The following PMFBP1 variants were observed in gnomAD, a reference collection of about 807,000 sequenced individuals.
PMFBP1 encodes polyamine-modulated factor 1-binding protein 1.
In PMFBP1, 131 loss-of-function variants were observed where a neutral mutation model predicts 137.8. That is an observed-to-expected ratio of 0.95 (90% CI 0.82 to 1.10). PMFBP1 has a LOEUF of 1.10. Among genes scored for constraint, PMFBP1 ranks in the 50% least tolerant of loss-of-function variants. The pLI, the probability that PMFBP1 is intolerant of heterozygous loss-of-function variation, is 0.00. For missense variants in PMFBP1, 1,199 were observed against 1,175.4 expected (o/e 1.02, Z -0.29); for synonymous variants, 490 against 450.4 (o/e 1.09, Z -1.11).
intron 6 of PMFBP1, 89 bp from the exon 7 acceptor site, chr16:72,139,488 G>A: frequency 2.9e-6 from 3 of 1,038,130 alleles, no homozygotes; most frequent in Non-Finnish European, 4.4e-6. Flanking sequence ...CCTTTCTGCA[G>A]CATAAGTTTG....
At chr16:72,193,116 G>A in the PMFBP1 span, among the ~76,000 whole-genome samples, 1 of 152,144 alleles carries the variant, frequency 6.6e-6, no homozygotes, top group Non-Finnish European at 1.5e-5. Flanking sequence ...GCCAGGCATG[G>A]TAGGTCGCGC....
chr16:72,124,993 C>T, intron 16 of PMFBP1, 59 bp from the exon 17 acceptor site: 1 of 1,586,660 alleles, frequency 6.3e-7, no homozygotes, highest in Non-Finnish European at 8.6e-7. Context: ...ACCGCAGGAC[C>T]CACAAGGCCA....
Position 72,136,730 on chromosome 16 carries a change from T to TA in PMFBP1, c.1007dup (p.Glu337ArgfsTer33). ...TTCTCTTCTGTTCCGACACGGCCTC[T>TA]AGTTCCACGCGCAGATCCTTCACCA... On this transcript the variant is annotated frameshift_variant, in exon 8 of 21. Coordinates refer to ENST00000237353, the MANE Select transcript of PMFBP1 (RefSeq NM_031293.3). LOFTEE classifies it high-confidence loss of function. 6.2e-7 allele frequency: 1 copy of TA among 1,614,162 alleles called. No homozygotes were observed. Among genetic ancestry groups the TA allele is most frequent in the Non-Finnish European group, 8.5e-7 (1 of 1,180,034 alleles).
chr16:72,208,832 C>T, the PMFBP1 span, among the ~76,000 whole-genome samples: 2 of 152,178 alleles, frequency 1.3e-5, no homozygotes, highest in Admixed American at 6.5e-5. Context: ...CCAAAGAACC[C>T]GCAGTTGTGT....
intron 5 of PMFBP1, among the ~76,000 whole-genome samples, chr16:72,141,745 C>T (rs939487241): frequency 1.3e-5 from 2 of 151,022 alleles, no homozygotes; most frequent in South Asian, 2.1e-4. Flanking sequence ...TACTTTTGTA[C>T]ATAAATCTTT....
chr16:72,173,644 T>C (rs536969173), upstream of PMFBP1, among the ~76,000 whole-genome samples: 1 of 152,366 alleles, frequency 6.6e-6, no homozygotes, highest in East Asian at 1.9e-4. Context: ...GGGCTTATGA[T>C]GAAAAAACTG....
At chr16:72,229,102 G>A in the PMFBP1 span, among the ~76,000 whole-genome samples, 1 of 152,082 alleles carries the variant, frequency 6.6e-6, no homozygotes, top group African/African-American at 2.4e-5. Flanking sequence ...AGAACATGCA[G>A]TATTTGGTTT....
At chr16:72,219,380 TG>T in the PMFBP1 span, among the ~76,000 whole-genome samples, 2 of 151,886 alleles carry the variant, frequency 1.3e-5, no homozygotes, top group South Asian at 2.1e-4. Flanking sequence ...AGGTGAGAGA[TG>T]GGTCTGAAGC....
the PMFBP1 span, chr16:72,225,161 A>G: frequency 1.3e-5 from 2 of 152,132 alleles, no homozygotes; most frequent in Admixed American, 6.6e-5. Context: ...GCATTCCTCA[A>G]AGAACTAGAA....
At chr16:72,193,845 C>T in the PMFBP1 span, among the ~76,000 whole-genome samples, 6 of 152,124 alleles carry the variant, frequency 3.9e-5, no homozygotes, top group African/African-American at 1.4e-4. Context: ...GCATGGCGCA[C>T]ACATACCACC....
intron 18 of PMFBP1, 91 bp downstream of exon 18, chr16:72,123,455 G>C (rs2042406688): frequency 9.4e-7 from 1 of 1,060,714 alleles, no homozygotes; most frequent in Non-Finnish European, 1.4e-6. Flanking sequence ...CAGGAGTGCA[G>C]GGGTGTGTGT....
rs1262531381 is a variant in PMFBP1, at chr16:72,132,732, C to T, written c.1447+16G>A. Reference sequence around the variant, plus strand: ...CACAGAAAAGTGTGGTGGGACAGCACCTGCAGGGGCCTCACCAGCCAGCCT... The same window carrying T: ...CACAGAAAAGTGTGGTGGGACAGCATCTGCAGGGGCCTCACCAGCCAGCCT... On this transcript the variant is annotated intron_variant, in intron 10 of 20. Coordinates refer to ENST00000237353, the MANE Select transcript of PMFBP1 (RefSeq NM_031293.3). 1 of 1,614,028 alleles carries T rather than the reference C, an allele frequency of 6.2e-7. No individual in the cohort carries two copies. Among genetic ancestry groups the T allele is most frequent in the Non-Finnish European group, 8.5e-7 (1 of 1,179,972 alleles).
rs116966800 is a variant in PMFBP1 at position 72,128,285 on chromosome 16, A to G, written c.2088+372T>C. ...CATTTTTACTTGTGTAATGAAAAAT[A>G]ACTGTCCCCCCTTTCATCTCCTTTT... On this transcript the variant is annotated intron_variant, in intron 14 of 20. Transcript: ENST00000237353. 4,601 of 935,392 alleles carry G rather than the reference A, an allele frequency of 4.9e-3. 23 individuals are homozygous for G. The highest frequency in any genetic ancestry group is 6.1e-3 in the Non-Finnish European group (4,275 of 704,508). 57.9% of individuals were successfully genotyped at this position (935,392 alleles called of 1,614,324 possible).
chr16:72,171,261 T>C lies in PMFBP1; in HGVS notation c.-53A>G. The C allele has an allele frequency of 6.3e-7, 1 of 1,593,794 alleles. No individual in the cohort carries two copies. The highest frequency in any genetic ancestry group is 8.6e-7 in the Non-Finnish European group (1 of 1,163,296). ...AACCTTTAGTATTTTCTGAGCTTTG[T>C]TATAAACCTGAAAAAGTCCAAGTAT... On this transcript the variant is annotated 5_prime_UTR_variant, in exon 2 of 21. An upstream open reading frame in the 5' UTR loses its in-frame stop. Coordinates refer to ENST00000237353, the MANE Select transcript of PMFBP1 (RefSeq NM_031293.3).
chr16:72,217,535 G>T, the PMFBP1 span, among the ~76,000 whole-genome samples: 6 of 152,128 alleles, frequency 3.9e-5, no homozygotes, highest in Non-Finnish European at 5.9e-5. Context: ...AGTTAATCTG[G>T]ATTAACAACA....
intron 2 of PMFBP1, among the ~76,000 whole-genome samples, chr16:72,168,170 G>C (rs1386861067): frequency 6.6e-6 from 1 of 152,160 alleles, no homozygotes; most frequent in Non-Finnish European, 1.5e-5. Context: ...AATATGTTTT[G>C]ATGGATGTCA....
the PMFBP1 span, among the ~76,000 whole-genome samples, chr16:72,228,913 C>T: frequency 6.7e-6 from 1 of 148,436 alleles, no homozygotes; most frequent in East Asian, 2.0e-4. Context: ...CATGAGTAAA[C>T]TGGGTGGCAT....
At chr16:72,231,249 T>A in the PMFBP1 span, among the ~76,000 whole-genome samples, 1 of 152,232 alleles carries the variant, frequency 6.6e-6, no homozygotes, top group South Asian at 2.1e-4. Flanking sequence ...GCTTGATAAT[T>A]CCAGGAACCA....
At chr16:72,130,467 A>G in intron 11 of PMFBP1, 66 bp downstream of exon 11, 2 of 1,607,098 alleles carry the variant, frequency 1.2e-6, no homozygotes, top group Non-Finnish European at 1.7e-6. Flanking sequence ...GCAGCTGCCC[A>G]CAGAGGGCCC....
Sources: allele counts gnomAD v4.1 joint callset (sites outside exome capture counted in the v4.1 genomes callset), GRCh38; gene constraint gnomAD v4.1.1; transcripts MANE v1.5; gene names NCBI Gene and HGNC (gene_info 2026-07-23, HGNC 2026-07-21).